The following CA8 variants were observed in gnomAD, a reference collection of about 807,000 sequenced individuals.
The protein encoded by CA8 is carbonic anhydrase 8 (inactive).
A neutral mutation model predicts 41.4 loss-of-function variants in CA8; 22 were observed. The ratio of observed to expected loss-of-function variants is 0.53; its 90% CI spans 0.38 to 0.76. The LOEUF is 0.76. CA8 is among the 30% of genes least tolerant of loss of function. The probability of loss-of-function intolerance (pLI) is 0.00; values close to 1 mark genes in which losing one functional copy is unlikely to be tolerated. For synonymous variants in CA8, 121 were observed against 130.6 expected, an observed-to-expected ratio of 0.93 and a Z score of 0.50; for missense variants, 270 against 352.8, an observed-to-expected ratio of 0.77 and a Z score of 1.88.
intron 2 of CA8, among the ~76,000 whole-genome samples, chr8:60,273,774 G>A (rs1178668126): frequency 2.0e-5 from 3 of 152,220 alleles, no homozygotes; most frequent in Non-Finnish European, 2.9e-5. Context: ...ATGCCCATTG[G>A]ATTTAGGGGA....
intron 3 of CA8, among the ~76,000 whole-genome samples, chr8:60,262,553 G>C (rs1014473254): frequency 6.6e-6 from 1 of 152,162 alleles, no homozygotes; most frequent in African/African-American, 2.4e-5. Flanking sequence ...ACACATTATG[G>C]AAAAGGATTC....
At chr8:60,203,268 A>C (rs28537913) in intron 8 of CA8, among the ~76,000 whole-genome samples, 50,098 of 151,894 alleles carry the variant, frequency 0.33, 8,448 homozygotes, top group Middle Eastern at 0.45. Flanking sequence ...ATTGGAGATA[A>C]AAAAAAGAAA....
At chr8:60,192,107 C>T (rs1806148119) in intron 8 of CA8, among the ~76,000 whole-genome samples, 1 of 152,082 alleles carries the variant, frequency 6.6e-6, no homozygotes, top group Admixed American at 6.6e-5. Context: ...ATGACACCCA[C>T]CTATGCCAAG....
At chr8:60,257,571 C>G (rs1185733353) in intron 3 of CA8, among the ~76,000 whole-genome samples, 1 of 152,190 alleles carries the variant, frequency 6.6e-6, no homozygotes, top group African/African-American at 2.4e-5. Flanking sequence ...TCCTCCCACA[C>G]TGCCAGAGTC....
rs1806016736 is a variant in CA8, at chr8:60,188,250, T to C, written c.*1771A>G. On this transcript the variant is annotated 3_prime_UTR_variant, in exon 9 of 9. Transcript: ENST00000317995. ...ATCCTGAAAGTCATTTAATTACTATTTGTTATTGTATTTGTTTATTTTGTG... is the reference window on the plus strand; with the variant it reads ...ATCCTGAAAGTCATTTAATTACTATCTGTTATTGTATTTGTTTATTTTGTG... 1 of 152,170 alleles carries C rather than the reference T, an allele frequency of 6.6e-6. No homozygotes were observed. Among genetic ancestry groups the C allele is most frequent in the South Asian group, 2.1e-4 (1 of 4,822 alleles). The allele number at this position is 152,170 out of a possible 1,614,324, so 9.4% of individuals were successfully genotyped here.
chr8:60,258,188 C>T (rs1372076131), intron 3 of CA8, among the ~76,000 whole-genome samples: 1 of 152,128 alleles, frequency 6.6e-6, no homozygotes, highest in East Asian at 1.9e-4. Flanking sequence ...CACGGCAGTG[C>T]TCATGTTTAA....
intron 8 of CA8, 90 bp downstream of exon 8, chr8:60,208,660 C>T (rs996421024): frequency 8.7e-7 from 1 of 1,147,274 alleles, no homozygotes; most frequent in Non-Finnish European, 1.3e-6. Context: ...GCTTTTATTA[C>T]TAAATTACCA....
intron 7 of CA8, among the ~76,000 whole-genome samples, chr8:60,221,291 T>A (rs13268419): frequency 0.34 from 52,012 of 152,100 alleles, 9,579 homozygotes; most frequent in Admixed American, 0.43. Flanking sequence ...CTTATTATCA[T>A]GTTAATTATT....
chr8:60,241,631 A>G (rs1252858981), intron 3 of CA8, among the ~76,000 whole-genome samples: 1 of 152,194 alleles, frequency 6.6e-6, no homozygotes, highest in Non-Finnish European at 1.5e-5. Flanking sequence ...TAGATCAAAG[A>G]AAAGAAAAAC....
At chr8:60,218,608 T>C (rs748546262) in intron 7 of CA8, among the ~76,000 whole-genome samples, 1 of 152,144 alleles carries the variant, frequency 6.6e-6, no homozygotes, top group Non-Finnish European at 1.5e-5. Flanking sequence ...ATTAACAGGG[T>C]CAATGACAAG....
chr8:60,250,060 T>C (rs1353875683), intron 3 of CA8, among the ~76,000 whole-genome samples: 1 of 152,196 alleles, frequency 6.6e-6, no homozygotes, highest in Non-Finnish European at 1.5e-5. Flanking sequence ...ACATTACATA[T>C]TCCTATAATA....
At chr8:60,238,826 C>T (rs1381909140) in intron 3 of CA8, among the ~76,000 whole-genome samples, 1 of 152,120 alleles carries the variant, frequency 6.6e-6, no homozygotes, top group Non-Finnish European at 1.5e-5. Flanking sequence ...CCCCATTCTG[C>T]TTATGCCCAC....
At chr8:60,194,547 G>A in intron 8 of CA8, among the ~76,000 whole-genome samples, 1 of 152,166 alleles carries the variant, frequency 6.6e-6, no homozygotes, top group East Asian at 1.9e-4. Context: ...CAAGTACAGA[G>A]TCTCTCTCTT....
At chr8:60,213,127 C>T (rs1806895587) in intron 7 of CA8, among the ~76,000 whole-genome samples, 1 of 152,198 alleles carries the variant, frequency 6.6e-6, no homozygotes, top group African/African-American at 2.4e-5. Flanking sequence ...AAAACCAATG[C>T]TCCCTCTTCC....
At chr8:60,203,852 T>C (rs1480794478) in intron 8 of CA8, among the ~76,000 whole-genome samples, 2 of 152,200 alleles carry the variant, frequency 1.3e-5, no homozygotes, top group African/African-American at 4.8e-5. Context: ...TTCCTCCTCA[T>C]TTACCTGCTT....
intron 3 of CA8, among the ~76,000 whole-genome samples, chr8:60,242,740 T>C (rs1338118472): frequency 6.6e-6 from 1 of 152,148 alleles, no homozygotes; most frequent in Non-Finnish European, 1.5e-5. Flanking sequence ...GGGCAAGGAA[T>C]AGTCTCTGGA....
At chr8:60,199,078 A>AC (rs140148438) in intron 8 of CA8, among the ~76,000 whole-genome samples, 42,095 of 152,004 alleles carry the variant, frequency 0.28, 6,049 homozygotes, top group Middle Eastern at 0.41. Context: ...CAAAAGGAAA[A>AC]AAAAATCTTG....
intron 3 of CA8, among the ~76,000 whole-genome samples, chr8:60,262,786 G>T (rs1803775370): frequency 6.6e-6 from 1 of 152,234 alleles, no homozygotes; most frequent in African/African-American, 2.4e-5. Flanking sequence ...AGATTTACCA[G>T]ATGAGAGCAT....
intron 3 of CA8, among the ~76,000 whole-genome samples, chr8:60,245,844 T>C (rs187273833): frequency 6.6e-6 from 1 of 152,334 alleles, no homozygotes; most frequent in Non-Finnish European, 1.5e-5. Context: ...ATTTTACCTG[T>C]GTTTACAAGG....
Sources: allele counts gnomAD v4.1 joint callset (sites outside exome capture counted in the v4.1 genomes callset), GRCh38; gene constraint gnomAD v4.1.1; transcripts MANE v1.5; gene names NCBI Gene and HGNC (gene_info 2026-07-23, HGNC 2026-07-21).